RBFOX1: variants seen among roughly 807,000 people sequenced by gnomAD.
The protein encoded by RBFOX1 is RNA binding protein fox-1 homolog 1.
Under a neutral mutation model 57.7 loss-of-function variants are expected in RBFOX1, and 8 were observed. The ratio of observed to expected loss-of-function variants is 0.14; its 90% CI spans 0.08 to 0.25. The LOEUF (loss-of-function observed/expected upper bound fraction) is 0.25. RBFOX1 is among the 10% of genes least tolerant of loss of function. The pLI, the probability that RBFOX1 is intolerant of heterozygous loss-of-function variation, is 1.00. For missense variants in RBFOX1, 611 were observed against 548.5 expected, an observed-to-expected ratio of 1.11 and a Z score of -1.14; for synonymous variants, 326 against 222.4, an observed-to-expected ratio of 1.47 and a Z score of -4.15.
At chr16:5,375,168 G>T (rs897438347) in intron 1 of RBFOX1, among the ~76,000 whole-genome samples, 2 of 150,782 alleles carry the variant, frequency 1.3e-5, no homozygotes, top group East Asian at 1.9e-4. Context: ...CGATCTCTTC[G>T]AGGGACTTCT....
intron 1 of RBFOX1, among the ~76,000 whole-genome samples, chr16:6,090,734 T>G (rs1423391987): frequency 6.6e-6 from 1 of 152,204 alleles, no homozygotes; most frequent in Non-Finnish European, 1.5e-5. Flanking sequence ...GGCCCCTTAG[T>G]GCAGTAAACA....
chr16:6,796,910 C>G lies in RBFOX1; in HGVS notation c.-16+142260C>G, dbSNP rs528901215. 1.4e-4 allele frequency among the ~76,000 whole-genome samples: 22 copies of G among 152,256 alleles called. No homozygotes were observed. In the South Asian group the frequency reaches 4.4e-3, roughly 30 times the overall value. ...GTTAAATGTACCTATGTCTCCACCC[C>G]CTTTCTTCCACATCTCAAATTGGAA... On this transcript the variant is annotated intron_variant, in intron 3 of 15. Transcript: ENST00000550418.
At chr16:6,102,922 T>A (rs1015157116) in intron 1 of RBFOX1, among the ~76,000 whole-genome samples, 1 of 152,166 alleles carries the variant, frequency 6.6e-6, no homozygotes, top group Admixed American at 6.5e-5. Flanking sequence ...TGATGGAGTC[T>A]GGGAATTTCT....
At chr16:7,523,049 A>C (rs1375855882) in intron 5 of RBFOX1, among the ~76,000 whole-genome samples, 4 of 152,094 alleles carry the variant, frequency 2.6e-5, no homozygotes, top group Non-Finnish European at 5.9e-5. Context: ...CTATAGCTTA[A>C]TTTGCAGTTT....
chr16:6,259,052 T>C (rs1289785208), intron 1 of RBFOX1, among the ~76,000 whole-genome samples: 1 of 152,234 alleles, frequency 6.6e-6, no homozygotes, highest in Non-Finnish European at 1.5e-5. Flanking sequence ...TGTTATTTGC[T>C]TCTGACAGGG....
chr16:5,558,051 AT>A (rs1305214648), intron 2 of RBFOX1, among the ~76,000 whole-genome samples: 1 of 152,136 alleles, frequency 6.6e-6, no homozygotes, highest in Non-Finnish European at 1.5e-5. Context: ...TTCCCACTCT[AT>A]CCCCCGCTTC....
intron 2 of RBFOX1, among the ~76,000 whole-genome samples, chr16:6,644,081 A>G (rs900178048): frequency 1.3e-5 from 2 of 152,128 alleles, no homozygotes; most frequent in African/African-American, 4.8e-5. Context: ...AGCCAAGATC[A>G]CCCTACTGCA....
intron 1 of RBFOX1, among the ~76,000 whole-genome samples, chr16:5,398,567 CGT>C (rs141831881): frequency 0.031 from 4,561 of 147,914 alleles, 84 homozygotes; most frequent in South Asian, 0.09. Flanking sequence ...TGCATCTGTA[CGT>C]GTGTGTGTGT....
At chr16:6,847,962 T>G (rs1299879162) in intron 3 of RBFOX1, among the ~76,000 whole-genome samples, 1 of 152,040 alleles carries the variant, frequency 6.6e-6, no homozygotes, top group Non-Finnish European at 1.5e-5. Flanking sequence ...CCCAAATAGC[T>G]AAGACTATAG....
At chr16:7,140,015 A>G (rs2073236317) in intron 4 of RBFOX1, among the ~76,000 whole-genome samples, 1 of 152,128 alleles carries the variant, frequency 6.6e-6, no homozygotes, top group Admixed American at 6.5e-5. Flanking sequence ...GGACACCTGG[A>G]AAAAGATAGC....
At chr16:7,400,417 C>T (rs1033873030) in intron 4 of RBFOX1, among the ~76,000 whole-genome samples, 2 of 152,148 alleles carry the variant, frequency 1.3e-5, no homozygotes, top group Non-Finnish European at 2.9e-5. Flanking sequence ...TCTCTGAAGA[C>T]AGAAATCCTC....
intron 4 of RBFOX1, among the ~76,000 whole-genome samples, chr16:7,460,387 ATATGTG>A (rs1172933450): frequency 2.7e-5 from 2 of 75,470 alleles, no homozygotes; most frequent in Non-Finnish European, 4.3e-5. Flanking sequence ...ATATATATAT[ATATGTG>A]TGTGTGTGTG....
chr16:7,274,505 A>G (rs1289606867), intron 4 of RBFOX1, among the ~76,000 whole-genome samples: 3 of 152,140 alleles, frequency 2.0e-5, no homozygotes, highest in East Asian at 3.9e-4. Flanking sequence ...CATATGTTGA[A>G]TGCCTGAGAG....
At chr16:6,620,641 G>A (rs1186171878) in intron 2 of RBFOX1, among the ~76,000 whole-genome samples, 1 of 152,076 alleles carries the variant, frequency 6.6e-6, no homozygotes, top group Non-Finnish European at 1.5e-5. Flanking sequence ...GAAGATTCAA[G>A]TAAACATAAT....
chr16:7,318,786 C>A (rs1323542280), intron 4 of RBFOX1, among the ~76,000 whole-genome samples: 1 of 152,090 alleles, frequency 6.6e-6, no homozygotes, highest in Non-Finnish European at 1.5e-5. Flanking sequence ...CCAGACCCAC[C>A]CCCCATCTCT....
chr16:7,167,652 C>G (rs142707508), intron 4 of RBFOX1, among the ~76,000 whole-genome samples: 2 of 152,266 alleles, frequency 1.3e-5, no homozygotes, highest in East Asian at 3.9e-4. Context: ...TTACTGCAGC[C>G]CTAGGAAACT....
intron 4 of RBFOX1, among the ~76,000 whole-genome samples, chr16:7,153,173 G>A (rs575835036): frequency 6.1e-5 from 9 of 147,102 alleles, no homozygotes; most frequent in Admixed American, 4.1e-4. Context: ...GAATCCGTCT[G>A]TGTCACTGGT....
chr16:6,651,992 C>G (rs994994158), intron 2 of RBFOX1, among the ~76,000 whole-genome samples: 2 of 152,210 alleles, frequency 1.3e-5, no homozygotes, highest in Admixed American at 1.3e-4. Context: ...TATGATTCCA[C>G]TTAAGCAAGT....
intron 3 of RBFOX1, among the ~76,000 whole-genome samples, chr16:6,960,569 C>T (rs192192145): frequency 5.9e-5 from 9 of 152,158 alleles, no homozygotes; most frequent in Non-Finnish European, 5.9e-5. Context: ...TTCCCCTGTG[C>T]CCTTCTTACC....
Sources: gnomAD v4.1 joint callset for allele counts (sites outside exome capture counted in the v4.1 genomes callset) on GRCh38, gnomAD v4.1.1 for gene constraint, MANE v1.5 for transcripts, NCBI Gene and HGNC (gene_info 2026-07-23, HGNC 2026-07-21) for gene names.